Variants in PLXNA4 observed in about 807,000 individuals in gnomAD.
The protein encoded by PLXNA4 is plexin-A4.
In PLXNA4, 44 loss-of-function variants were observed where a neutral mutation model predicts 191.8. That is an observed-to-expected ratio of 0.23 (90% CI 0.18 to 0.29). The LOEUF (loss-of-function observed/expected upper bound fraction) is 0.29, where lower values mean the gene tolerates loss of function less well. Ranked by LOEUF, PLXNA4 falls within the 10% of genes least tolerant of loss-of-function variation. The pLI, the probability that PLXNA4 is intolerant of heterozygous loss-of-function variation, is 1.00. For synonymous variants in PLXNA4, 1,082 were observed against 1,009.5 expected (o/e 1.07, Z -1.36); for missense variants, 1,800 against 2,488.8 (o/e 0.72, Z 5.89).
At chr7:132,241,892 C>T (rs575980596) in intron 4 of PLXNA4, among the ~76,000 whole-genome samples, 154 of 152,288 alleles carry the variant, frequency 1.0e-3, no homozygotes, top group Middle Eastern at 6.8e-3. Context: ...TTTCACCAGC[C>T]GCCTGCTAAT....
intron 3 of PLXNA4, among the ~76,000 whole-genome samples, chr7:132,429,230 C>T (rs766087935): frequency 1.3e-5 from 2 of 152,220 alleles, no homozygotes; most frequent in African/African-American, 2.4e-5. Context: ...CAGGCCAACA[C>T]TTTGTCCATG....
At chr7:132,327,173 A>AAAAAAAAAAAAAAAG (rs373719875) in intron 3 of PLXNA4, among the ~76,000 whole-genome samples, 4,328 of 133,856 alleles carry the variant, frequency 0.032, 119 homozygotes, top group Middle Eastern at 0.073. Context: ...GGAAGGCAAA[A>AAAAAAAAAAAAAAAG]AAAAAAGAAA....
In PLXNA4 at chr7:132,435,550, T is replaced by A. The variant is rs141191882; in HGVS notation, c.1371+53742A>T. ...GGAGGGGTGAGGCTCACAGGGGAGGTGAGAAAGAACAATGAGGAGTGTTGA... is the reference window on the plus strand; with the variant it reads ...GGAGGGGTGAGGCTCACAGGGGAGGAGAGAAAGAACAATGAGGAGTGTTGA... On this transcript the variant is annotated intron_variant, in intron 3 of 31. Transcript: ENST00000321063. Among the ~76,000 whole-genome samples, 45 of 150,838 alleles carry A rather than the reference T, an allele frequency of 3.0e-4. No individual in the cohort carries two copies. In the East Asian group the frequency reaches 8.4e-3, roughly 28 times the overall value.
chr7:132,475,754 C>T (rs1193191005), intron 3 of PLXNA4, among the ~76,000 whole-genome samples: 1 of 151,328 alleles, frequency 6.6e-6, no homozygotes, highest in East Asian at 2.0e-4. Flanking sequence ...ATGCAAGGAG[C>T]ACTTAAAAAA....
chr7:132,485,051 G>GAAAA, intron 3 of PLXNA4: 2 of 1,595,080 alleles, frequency 1.3e-6, no homozygotes, highest in Admixed American at 1.8e-5. Context: ...AAACAGGCTT[G>GAAAA]AGAAAAAAAA....
At chr7:132,151,257 A>AAGGAGGAGGAGGAAGAAGAAGG (rs1163567704) in intron 25 of PLXNA4, among the ~76,000 whole-genome samples, 17 of 118,668 alleles carry the variant, frequency 1.4e-4, no homozygotes, top group African/African-American at 4.1e-4. Flanking sequence ...GAGGAAGAAG[A>AAGGAGGAGGAGGAAGAAGAAGG]AGGAGGAGGA....
intron 26 of PLXNA4, 66 bp from the exon 27 acceptor site, chr7:132,148,065 A>G: frequency 6.2e-7 from 1 of 1,611,722 alleles, no homozygotes. Flanking sequence ...ATAAGGACAA[A>G]TCATGATGAA....
At chr7:132,475,789 C>T (rs156920) in intron 3 of PLXNA4, among the ~76,000 whole-genome samples, 116,041 of 152,060 alleles carry the variant, frequency 0.76, 46,727 homozygotes, top group Non-Finnish European at 0.9. Flanking sequence ...CTGATTCCCC[C>T]CACACCCAGA....
chr7:132,459,984 C>T (rs1010317390), intron 3 of PLXNA4, among the ~76,000 whole-genome samples: 9 of 142,530 alleles, frequency 6.3e-5, no homozygotes, highest in African/African-American at 2.3e-4. Flanking sequence ...GCATATAATA[C>T]CAGTACCCAA....
At chr7:132,177,880 C>T (rs1363775631) in intron 20 of PLXNA4, among the ~76,000 whole-genome samples, 2 of 152,192 alleles carry the variant, frequency 1.3e-5, no homozygotes, top group African/African-American at 4.8e-5. Flanking sequence ...GGAATGGATC[C>T]ACTTCCCCAT....
Position 132,140,637 on chromosome 7 carries a change from A to G in PLXNA4, c.5400T>C (p.Tyr1800=). The change falls in exon 30 of 32, where the codon TAT becomes TAC. Residue 1800 remains tyrosine, a synonymous_variant. Transcript: ENST00000321063. ...GKDSPSNKLL[Y]AKDIPSYKNW... ...TCTTGTAGCTGGGGATGTCCTTGGC[A>G]TACAGCAGCTTGTTGGAGGGCGAGT... 6.2e-7 allele frequency: 1 copy of G among 1,614,126 alleles called. No homozygotes were observed. The highest frequency in any genetic ancestry group is 8.5e-7 in the Non-Finnish European group (1 of 1,180,024).
chr7:132,581,138 T>C (rs1281684159), upstream of PLXNA4, among the ~76,000 whole-genome samples: 1 of 152,210 alleles, frequency 6.6e-6, no homozygotes, highest in Non-Finnish European at 1.5e-5. Flanking sequence ...ACTAACTTAT[T>C]CTTCCATCTG....
intron 17 of PLXNA4, 67 bp from the exon 18 acceptor site, chr7:132,181,687 A>G (rs746803346): frequency 3.7e-4 from 584 of 1,582,482 alleles, no homozygotes; most frequent in Admixed American, 5.2e-4. Context: ...CAGTGCACAT[A>G]GTGGGCCTCC....
intron 3 of PLXNA4, among the ~76,000 whole-genome samples, chr7:132,366,528 A>T (rs772317535): frequency 4.7e-5 from 7 of 148,858 alleles, no homozygotes; most frequent in African/African-American, 9.9e-5. Context: ...TGTCTCAATT[A>T]AAAAAAAAAG....
intron 1 of PLXNA4, among the ~76,000 whole-genome samples, chr7:132,648,293 C>T (rs1803924633): frequency 6.6e-6 from 1 of 152,334 alleles, no homozygotes; most frequent in Non-Finnish European, 1.5e-5. Context: ...TTCCTGATTA[C>T]TGAGACTAGT....
At chr7:132,271,534 C>T (rs1800072399) in intron 4 of PLXNA4, among the ~76,000 whole-genome samples, 1 of 152,022 alleles carries the variant, frequency 6.6e-6, no homozygotes, top group Non-Finnish European at 1.5e-5. Flanking sequence ...GGAAATATTT[C>T]CAGAGGCTGA....
At chr7:132,443,282 C>T (rs1037938608) in intron 3 of PLXNA4, among the ~76,000 whole-genome samples, 1 of 152,186 alleles carries the variant, frequency 6.6e-6, no homozygotes, top group Non-Finnish European at 1.5e-5. Context: ...CTTGTTGCAC[C>T]CCGTCCTCTG....
At chr7:132,434,960 C>T (rs1311392196) in intron 3 of PLXNA4, among the ~76,000 whole-genome samples, 1 of 152,186 alleles carries the variant, frequency 6.6e-6, no homozygotes, top group African/African-American at 2.4e-5. Flanking sequence ...GCTCTGGGGC[C>T]ACCCTGGGAA....
intron 2 of PLXNA4, among the ~76,000 whole-genome samples, chr7:132,623,521 G>A (rs114570585): frequency 0.013 from 1,982 of 152,276 alleles, 39 homozygotes; most frequent in African/African-American, 0.045. Context: ...TAAGTCACAT[G>A]CAAGTTAGAA....
Sources: allele counts gnomAD v4.1 joint callset (sites outside exome capture counted in the v4.1 genomes callset), GRCh38; gene constraint gnomAD v4.1.1; transcripts MANE v1.5; gene names NCBI Gene and HGNC (gene_info 2026-07-23, HGNC 2026-07-21).